SPAG5: variants seen among roughly 807,000 people sequenced by gnomAD.
The protein encoded by SPAG5 is sperm associated antigen 5.
Under a neutral mutation model 145.4 loss-of-function variants are expected in SPAG5, and 99 were observed. The ratio of observed to expected loss-of-function variants is 0.68; its 90% CI spans 0.58 to 0.80. The LOEUF (loss-of-function observed/expected upper bound fraction) is 0.80. Among genes scored for constraint, SPAG5 ranks in the 30% least tolerant of loss-of-function variants. The probability of loss-of-function intolerance (pLI) is 0.00; values close to 1 mark genes in which losing one functional copy is unlikely to be tolerated. For synonymous variants in SPAG5, 477 were observed against 525.4 expected, an observed-to-expected ratio of 0.91 and a Z score of 1.26; for missense variants, 1,192 against 1,416.0, an observed-to-expected ratio of 0.84 and a Z score of 2.54.
rs1335824819 is a variant in SPAG5 at position 28,592,466 on chromosome 17, C to T, written c.778G>A (p.Val260Ile). Residue 260 changes from valine to isoleucine, a missense_variant, in exon 3 of 24, where the codon GTC becomes ATC. By Grantham distance (29) the Val-to-Ile change is conservative (BLOSUM62 3). This residue lies in a region of SPAG5 where 329 missense variants were observed against 354.0 expected (regional missense o/e 0.93). Transcript: ENST00000321765. The stretch of plus-strand genomic sequence containing the variant: ...TCCTCCTCTGGGTCCACATGATTGA[C>T]ACGGAAATCTGCTGCCAAGGCAGTT... ...PSTALAADFR[V>I]NHVDPEEEIV... The T allele has an allele frequency of 4.3e-6, 7 of 1,613,660 alleles. No individual in the cohort carries two copies. The African/African-American group carries it at 9.3e-5, about 22-fold the overall frequency.
In SPAG5 at chr17:28,593,749, A is replaced by T. The variant is rs575452042; in HGVS notation, c.178-683T>A. ...AAAAAAAAATAAATAAATAAATAAAAAAGGTAGACCCTAACAAAACAGAGC... is the reference window on the plus strand; with the variant it reads ...AAAAAAAAATAAATAAATAAATAAATAAGGTAGACCCTAACAAAACAGAGC... On this transcript the variant is annotated intron_variant, in intron 2 of 23. Coordinates refer to ENST00000321765, the MANE Select transcript of SPAG5 (RefSeq NM_006461.4). Among the ~76,000 whole-genome samples the T allele has an allele frequency of 1.1e-3, 170 of 152,186 alleles. 1 individual carries two copies. Among genetic ancestry groups the T allele is most frequent in the African/African-American group, 3.4e-3 (142 of 41,544 alleles).
rs1377788285 is a variant in SPAG5, at chr17:28,585,182, G to A, written c.1987C>T (p.Arg663Ter). 5.6e-6 allele frequency: 9 copies of A among 1,614,040 alleles called. No individual in the cohort carries two copies. The highest frequency in any genetic ancestry group is 1.7e-5 in the Admixed American group (1 of 60,004). Residue 663 changes from arginine to a stop codon, truncating the protein, a stop_gained, in exon 10 of 24, where the codon CGA becomes TGA. Coordinates refer to ENST00000321765, the MANE Select transcript of SPAG5 (RefSeq NM_006461.4). LOFTEE classifies it high-confidence loss of function. ...TTWTALLSRS[R>*]QLTEKLTVKS... is the part of the protein sequence containing the mutation. The stretch of plus-strand genomic sequence containing the variant: ...ACTGTGAGTTTCTCTGTGAGTTGTC[G>A]GGACCGACTCAGCAAAGCTGTCCAT...
At position 28,585,307 on chromosome 17, in the gene SPAG5, C is replaced by G. The variant is rs372390632; in HGVS notation, c.1953+12G>C. ...GAGTAAGGAATTAGTTATGATGGTC[C>G]CAAATACTCACATCCAGTTGCATGG... On this transcript the variant is annotated intron_variant, in intron 9 of 23. Transcript: ENST00000321765. 2.4e-4 allele frequency: 388 copies of G among 1,612,910 alleles called. No homozygotes were observed. The highest frequency in any genetic ancestry group is 3.2e-4 in the Non-Finnish European group (377 of 1,178,988).
At chr17:28,590,566 ATCT>A (rs1189510919) in intron 4 of SPAG5, among the ~76,000 whole-genome samples, 1 of 152,112 alleles carries the variant, frequency 6.6e-6, no homozygotes, top group African/African-American at 2.4e-5. Context: ...ACACTGAGAA[ATCT>A]TCTTCACATA....
Position 28,592,717 on chromosome 17 carries a change from G to C in SPAG5, c.527C>G (p.Pro176Arg), listed in dbSNP as rs1405372983. ...TDDLVREEVA[P>R]CMGDRFSEVA... ...TTCTGAAAACCTGTCTCCCATGCAG[G>C]GTGCCACCTCCTCTCTCACCAGATC... is the stretch of plus-strand genomic sequence containing the variant. Residue 176 changes from proline to arginine, a missense_variant, in exon 3 of 24, where the codon CCC becomes CGC. Physicochemically the swap from Pro to Arg is moderately radical, Grantham distance 103. Coordinates refer to ENST00000321765, the MANE Select transcript of SPAG5 (RefSeq NM_006461.4). 7 of 1,614,006 alleles carry C rather than the reference G, an allele frequency of 4.3e-6. No homozygotes were observed. The African/African-American group carries it at 9.3e-5, about 22-fold the overall frequency.
In SPAG5 at chr17:28,586,338, G is replaced by GA; in HGVS notation, c.1512+86_1512+87insT. 2.4e-6 allele frequency: 3 copies of GA among 1,255,946 alleles called. No individual in the cohort carries two copies. In the South Asian group the frequency reaches 3.6e-5, roughly 15 times the overall value. The allele number at this position is 1,255,946 out of a possible 1,614,324, so 77.8% of individuals were successfully genotyped here. On this transcript the variant is annotated intron_variant, in intron 5 of 23. Transcript: ENST00000321765. ...AACCTCCCTTCACCACCACGACTTA[G>GA]TATCACCATCTACTAACCACCCAGG...
intron 4 of SPAG5, among the ~76,000 whole-genome samples, chr17:28,590,572 T>A (rs1389810698): frequency 2.6e-5 from 4 of 151,938 alleles, no homozygotes; most frequent in African/African-American, 9.7e-5. Context: ...AGAAATCTTC[T>A]TCACATAAAC....
intron 15 of SPAG5, among the ~76,000 whole-genome samples, chr17:28,581,008 C>T (rs1334589764): frequency 6.6e-6 from 1 of 152,220 alleles, no homozygotes; most frequent in Non-Finnish European, 1.5e-5. Flanking sequence ...TGATAGGGAA[C>T]ACCCTATCAA....
Position 28,592,801 on chromosome 17 carries a change from C to T in SPAG5, c.443G>A (p.Arg148His), listed in dbSNP as rs369586404. ...GQQQDMIFEARLDTMAETNSI... is the reference protein window; with the variant it reads ...GQQQDMIFEAHLDTMAETNSI... ...GTTTGTCTCTGCCATGGTATCTAAA[C>T]GGGCCTCAAATATCATGTCTTGTTG... Residue 148 changes from arginine to histidine, a missense_variant, in exon 3 of 24, where the codon CGT (arginine) becomes CAT (histidine). Physicochemically the swap from Arg to His is conservative, Grantham distance 29. Around this residue, in one of 5 missense-constraint regions of SPAG5, gnomAD observed 329 missense variants for 354.0 expected, o/e 0.93. Coordinates refer to ENST00000321765, the MANE Select transcript of SPAG5 (RefSeq NM_006461.4). The T allele has an allele frequency of 1.0e-4, 168 of 1,614,084 alleles. No individual in the cohort carries two copies. Among genetic ancestry groups the T allele is most frequent in the Non-Finnish European group, 1.3e-4 (159 of 1,180,034 alleles).
At chr17:28,587,281 G>A (rs556184683) in intron 4 of SPAG5, among the ~76,000 whole-genome samples, 20 of 149,282 alleles carry the variant, frequency 1.3e-4, no homozygotes, top group African/African-American at 3.0e-4. Context: ...GCGCGGTGGC[G>A]CACACCTGTA....
rs1473378612 is a variant in SPAG5 at position 28,584,735 on chromosome 17, A to G, written c.2078T>C (p.Val693Ala). ...AIEEKQEVSR[V>A]LEQVSAQLEE... Reference sequence around the variant, plus strand: ...TAACTGGGCAGAGACTTGTTCCAGCACCCTAGAAACCTAGGAAGAACAGAT... The same window carrying G: ...TAACTGGGCAGAGACTTGTTCCAGCGCCCTAGAAACCTAGGAAGAACAGAT... Residue 693 changes from valine (V) to alanine (A), a missense_variant, in exon 11 of 24, where the codon GTG (valine) becomes GCG (alanine). By Grantham distance (64) the Val-to-Ala change is moderately conservative. Around this residue, in one of 5 missense-constraint regions of SPAG5, gnomAD observed 709 missense variants for 840.7 expected, o/e 0.84. Coordinates refer to ENST00000321765, the MANE Select transcript of SPAG5 (RefSeq NM_006461.4). 6.2e-7 allele frequency: 1 copy of G among 1,612,920 alleles called. No homozygotes were observed.
chr17:28,596,830 G>A lies in SPAG5; in HGVS notation c.177+1680C>T, dbSNP rs190111629. ...AATTAAAATTAAAAATTCAGGCCGGGCACAGTGGCTCACGCCTATAATCCC... is the reference window on the plus strand; with the variant it reads ...AATTAAAATTAAAAATTCAGGCCGGACACAGTGGCTCACGCCTATAATCCC... On this transcript the variant is annotated intron_variant, in intron 2 of 23. Transcript: ENST00000321765. 1.4e-4 allele frequency among the ~76,000 whole-genome samples: 21 copies of A among 152,308 alleles called. No homozygotes were observed. The East Asian group carries it at 3.7e-3, about 27-fold the overall frequency.
intron 19 of SPAG5, 145 bp downstream of exon 19, chr17:28,578,996 G>T: frequency 1.4e-6 from 1 of 713,728 alleles, no homozygotes; most frequent in Non-Finnish European, 2.4e-6. Context: ...GCTGACATGT[G>T]AAATGTCTGA....
At position 28,577,761 on chromosome 17, in the gene SPAG5, A is replaced by C. The variant is rs200749793; in HGVS notation, c.3520T>G (p.Ser1174Ala). The C allele has an allele frequency of 4.3e-6, 7 of 1,613,680 alleles. No homozygotes were observed. In the African/African-American group the frequency reaches 9.3e-5, roughly 22 times the overall value. Residue 1174 changes from serine to alanine, a missense_variant, in exon 24 of 24, where the codon TCT becomes GCT. Ser to Ala is a moderately conservative substitution (Grantham distance 99). This residue lies in a region of SPAG5 where 709 missense variants were observed against 840.7 expected (regional missense o/e 0.84). Coordinates refer to ENST00000321765, the MANE Select transcript of SPAG5 (RefSeq NM_006461.4). Reference sequence around the variant, plus strand: ...CATCCCCTCACCACCTCTGGAATAGAGAGCAGGGTCTGGGAAGAGAGGCAG... The same window carrying C: ...CATCCCCTCACCACCTCTGGAATAGCGAGCAGGGTCTGGGAAGAGAGGCAG... ...IVQHIYKTLL[S>A]IPEVVRGCKE...
At position 28,585,612 on chromosome 17, in the gene SPAG5, C is replaced by T; in HGVS notation, c.1782G>A (p.Gln594=). 1.2e-6 allele frequency: 2 copies of T among 1,614,160 alleles called. No homozygotes were observed. The highest frequency in any genetic ancestry group is 2.2e-5 in the South Asian group (2 of 91,078). The stretch of plus-strand genomic sequence containing the variant: ...GGTCCTGTTCCAGCTGGCTGATGCG[C>T]TGGCTGGCGTGTGCACAGAAAGCCT... ...VLEAFCAHAS[Q]RISQLEQDLA... The change falls in exon 8 of 24, where the codon CAG becomes CAA. Residue 594 remains glutamine, a synonymous_variant. Transcript: ENST00000321765.
At position 28,577,693 on chromosome 17, in the gene SPAG5, A is replaced by T; in HGVS notation, c.*6T>A. ...AGAGGTGAAGCAGATTCTGGCTTTCAGTTTCTTAGCTCAGAAATTCCAGCA... is the reference window on the plus strand; with the variant it reads ...AGAGGTGAAGCAGATTCTGGCTTTCTGTTTCTTAGCTCAGAAATTCCAGCA... On this transcript the variant is annotated 3_prime_UTR_variant, in exon 24 of 24. Transcript: ENST00000321765. 1 of 1,609,798 alleles carries T rather than the reference A, an allele frequency of 6.2e-7. No homozygotes were observed. Among genetic ancestry groups the T allele is most frequent in the Non-Finnish European group, 8.5e-7 (1 of 1,175,998 alleles).
intron 4 of SPAG5, among the ~76,000 whole-genome samples, chr17:28,590,135 C>G (rs995016426): frequency 6.6e-6 from 1 of 152,160 alleles, no homozygotes; most frequent in Non-Finnish European, 1.5e-5. Flanking sequence ...TTGGGAATCA[C>G]CTATTAATGA....
chr17:28,587,582 T>G (rs2070594141), intron 4 of SPAG5, among the ~76,000 whole-genome samples: 2 of 151,836 alleles, frequency 1.3e-5, no homozygotes, highest in Admixed American at 1.3e-4. Flanking sequence ...CCAGGCATGG[T>G]GGCACATGCC....
intron 23 of SPAG5, 21 bp downstream of exon 23, chr17:28,577,989 T>C (rs1363688924): frequency 1.9e-6 from 3 of 1,596,472 alleles, no homozygotes; most frequent in South Asian, 1.1e-5. Flanking sequence ...ATTAGTGATA[T>C]CACCTCCCTC....
Sources: allele counts gnomAD v4.1 joint callset (sites outside exome capture counted in the v4.1 genomes callset), GRCh38; gene constraint gnomAD v4.1.1; regional missense constraint gnomAD v4.1.1; transcripts MANE v1.5; gene names NCBI Gene and HGNC (gene_info 2026-07-23, HGNC 2026-07-21).